COG5: variants seen among roughly 807,000 people sequenced by gnomAD.
The protein encoded by COG5 is component of oligomeric golgi complex 5.
In COG5, 86 loss-of-function variants were observed where a neutral mutation model predicts 110.4. The ratio of observed to expected loss-of-function variants is 0.78; its 90% CI spans 0.65 to 0.93. COG5 has a LOEUF of 0.93. COG5 is among the 40% of genes least tolerant of loss of function. COG5 has a pLI of 0.00. For synonymous variants in COG5, 360 were observed against 334.6 expected (o/e 1.08, Z -0.83); for missense variants, 1,077 against 987.0 (o/e 1.09, Z -1.22).
chr7:107,320,289 T>C (rs1237333699), intron 11 of COG5, among the ~76,000 whole-genome samples: 2 of 152,218 alleles, frequency 1.3e-5, no homozygotes, highest in Non-Finnish European at 2.9e-5. Flanking sequence ...TAACTAAAGG[T>C]TAGACTATGT....
intron 18 of COG5, among the ~76,000 whole-genome samples, chr7:107,231,507 T>C (rs12705408): frequency 0.052 from 7,897 of 152,278 alleles, 298 homozygotes; most frequent in Non-Finnish European, 0.08. Flanking sequence ...TTTTTGCATA[T>C]GTGCTACTCA....
intron 6 of COG5, among the ~76,000 whole-genome samples, chr7:107,511,213 A>C (rs1347677079): frequency 6.6e-6 from 1 of 152,172 alleles, no homozygotes; most frequent in African/African-American, 2.4e-5. Flanking sequence ...TAAAGGGGAT[A>C]TCACCACCGA....
At chr7:107,463,884 CT>C (rs927509706) in intron 6 of COG5, among the ~76,000 whole-genome samples, 2 of 152,102 alleles carry the variant, frequency 1.3e-5, no homozygotes, top group Admixed American at 6.5e-5. Flanking sequence ...TAATTTGCCC[CT>C]GTGCATGCTG....
At chr7:107,429,202 T>A (rs1429736950) in intron 6 of COG5, among the ~76,000 whole-genome samples, 1 of 152,212 alleles carries the variant, frequency 6.6e-6, no homozygotes, top group East Asian at 1.9e-4. Flanking sequence ...CAACCATATT[T>A]TACTTAATCC....
intron 10 of COG5, among the ~76,000 whole-genome samples, chr7:107,338,918 AAC>A (rs1375486352): frequency 2.6e-5 from 4 of 152,084 alleles, no homozygotes; most frequent in African/African-American, 9.7e-5. Flanking sequence ...TTACTACAAA[AAC>A]ACACACACTT....
chr7:107,249,302 T>C (rs930955721), intron 16 of COG5, among the ~76,000 whole-genome samples: 1 of 151,990 alleles, frequency 6.6e-6, no homozygotes, highest in Non-Finnish European at 1.5e-5. Context: ...TAGCATCTAG[T>C]AGGTAGAGGA....
At chr7:107,487,938 C>T (rs1035378902) in intron 6 of COG5, among the ~76,000 whole-genome samples, 7 of 152,016 alleles carry the variant, frequency 4.6e-5, no homozygotes, top group African/African-American at 1.7e-4. Context: ...TCTGAAAATG[C>T]TGATAATGAA....
intron 6 of COG5, among the ~76,000 whole-genome samples, chr7:107,428,832 C>T (rs1285333017): frequency 1.3e-5 from 2 of 152,206 alleles, no homozygotes; most frequent in African/African-American, 4.8e-5. Flanking sequence ...TTCTACACAA[C>T]ACTCACTGGC....
intron 2 of COG5, among the ~76,000 whole-genome samples, chr7:107,555,144 C>T (rs1803214177): frequency 6.6e-6 from 1 of 152,142 alleles, no homozygotes; most frequent in African/African-American, 2.4e-5. Context: ...TTCCCAGTGT[C>T]ACATACCCAC....
intron 14 of COG5, among the ~76,000 whole-genome samples, chr7:107,265,190 T>C (rs532249716): frequency 6.6e-6 from 1 of 152,342 alleles, no homozygotes; most frequent in East Asian, 1.9e-4. Flanking sequence ...TTGGTTATTG[T>C]TTACTTGACC....
At chr7:107,434,446 G>C (rs746363467) in intron 6 of COG5, among the ~76,000 whole-genome samples, 36 of 152,116 alleles carry the variant, frequency 2.4e-4, no homozygotes, top group Non-Finnish European at 3.4e-4. Context: ...AGAGATAAAT[G>C]CATAAAGAAA....
In COG5 at chr7:107,539,109, G is replaced by T. The variant is rs75579295; in HGVS notation, c.417+9002C>A. ...CCTGGGCAACATAGTGAGAGACACT[G>T]TCTAAAAAAAATTAAAATTTAAAAA... On this transcript the variant is annotated intron_variant, in intron 5 of 21. Coordinates refer to ENST00000297135, the MANE Select transcript of COG5 (RefSeq NM_006348.5). Among the ~76,000 whole-genome samples, 596 of 152,012 alleles carry T rather than the reference G, an allele frequency of 3.9e-3. 9 individuals are homozygous for T. The East Asian group carries it at 0.061, about 16-fold the overall frequency.
intron 6 of COG5, among the ~76,000 whole-genome samples, chr7:107,503,800 G>A (rs574060059): frequency 2.7e-4 from 41 of 152,022 alleles, no homozygotes; most frequent in Admixed American, 1.8e-3. Flanking sequence ...TCAGCTTGGT[G>A]GTTGGTGTGT....
chr7:107,295,173 G>C (rs1256957933), intron 12 of COG5, among the ~76,000 whole-genome samples: 1 of 133,086 alleles, frequency 7.5e-6, no homozygotes, highest in Non-Finnish European at 1.6e-5. Flanking sequence ...CTGACCTCAA[G>C]TGATCCACCC....
intron 6 of COG5, among the ~76,000 whole-genome samples, chr7:107,435,760 T>C (rs1018371369): frequency 8.5e-5 from 13 of 152,200 alleles, no homozygotes; most frequent in Non-Finnish European, 1.2e-4. Context: ...AGACTAAACA[T>C]AGAATTACCA....
At chr7:107,312,848 A>AAGCCGAGGACCTCGGC (rs370870831) in intron 11 of COG5, among the ~76,000 whole-genome samples, 2 of 152,156 alleles carry the variant, frequency 1.3e-5, no homozygotes, top group African/African-American at 2.4e-5. Context: ...ACCTCGGCAG[A>AAGCCGAGGACCTCGGC]AGAAGGGAAA....
At chr7:107,508,014 A>C (rs1584910074) in intron 6 of COG5, among the ~76,000 whole-genome samples, 1 of 152,198 alleles carries the variant, frequency 6.6e-6, no homozygotes, top group Non-Finnish European at 1.5e-5. Context: ...CTCACTAGAG[A>C]GTGCCAGACA....
chr7:107,375,422 T>C (rs544173554), intron 7 of COG5, among the ~76,000 whole-genome samples: 1 of 152,186 alleles, frequency 6.6e-6, no homozygotes, highest in South Asian at 2.1e-4. Context: ...TTAGAGTTTG[T>C]AGATACTGCC....
chr7:107,464,037 C>T (rs1437578195), intron 6 of COG5, among the ~76,000 whole-genome samples: 1 of 152,106 alleles, frequency 6.6e-6, no homozygotes, highest in Admixed American at 6.5e-5. Flanking sequence ...TCTCTCCCTC[C>T]CTAAGGTTCC....
Sources: allele counts gnomAD v4.1 joint callset (sites outside exome capture counted in the v4.1 genomes callset), GRCh38; gene constraint gnomAD v4.1.1; transcripts MANE v1.5; gene names NCBI Gene and HGNC (gene_info 2026-07-23, HGNC 2026-07-21).